FBRSL1: variants seen among roughly 807,000 people sequenced by gnomAD.
FBRSL1 encodes fibrosin-1-like protein.
Under a neutral mutation model 89.6 loss-of-function variants are expected in FBRSL1, and 51 were observed. The observed-to-expected ratio is 0.57, with a 90% confidence interval of 0.45 to 0.72. FBRSL1 has a LOEUF of 0.72. Among genes scored for constraint, FBRSL1 ranks in the 30% least tolerant of loss-of-function variants. The pLI is 0.00. For synonymous variants in FBRSL1, 779 were observed against 681.1 expected (o/e 1.14, Z -2.24); for missense variants, 1,618 against 1,451.8 (o/e 1.11, Z -1.86).
chr12:132,578,341 T>TCACACACA lies in FBRSL1; in HGVS notation c.1834+1411_1834+1412insACACACAC, dbSNP rs547551851. On this transcript the variant is annotated intron_variant, in intron 15 of 18. Coordinates refer to ENST00000680143, the MANE Select transcript of FBRSL1 (RefSeq NM_001367871.1). ...GCCTGGGCAACAGAGCAAGACCCTGTCTCACACACACACACACACACACAC... is the reference window on the plus strand; with the variant it reads ...GCCTGGGCAACAGAGCAAGACCCTGTCACACACACTCACACACACACACACACACACAC... Among the ~76,000 whole-genome samples, 4 of 28,662 alleles carry TCACACACA rather than the reference T, an allele frequency of 1.4e-4. No individual in the cohort carries two copies. The South Asian group carries it at 4.9e-3, about 35-fold the overall frequency. The allele number at this position is 28,662 out of a possible 152,430, so 18.8% of individuals were successfully genotyped here.
chr12:132,581,636 G>A, intron 16 of FBRSL1, 105 bp from the exon 17 acceptor site: 1 of 1,481,886 alleles, frequency 6.7e-7, no homozygotes, highest in Non-Finnish European at 9.2e-7. Flanking sequence ...GGTCATGCAG[G>A]CAGTACCCAC....
At chr12:132,531,272 G>A (rs1249628181) in intron 4 of FBRSL1, among the ~76,000 whole-genome samples, 1 of 152,176 alleles carries the variant, frequency 6.6e-6, no homozygotes, top group Non-Finnish European at 1.5e-5. Context: ...GGATTGTGCT[G>A]AAGCCTGGGA....
intron 2 of FBRSL1, among the ~76,000 whole-genome samples, chr12:132,514,079 G>A (rs3812827): frequency 2.6e-5 from 4 of 152,220 alleles, no homozygotes; most frequent in African/African-American, 9.6e-5. Flanking sequence ...TTGCTCATTC[G>A]GGATCCTTGT....
intron 4 of FBRSL1, among the ~76,000 whole-genome samples, chr12:132,540,895 A>G (rs1294188198): frequency 6.6e-6 from 1 of 152,216 alleles, no homozygotes; most frequent in Non-Finnish European, 1.5e-5. Context: ...ATACAGCTGA[A>G]GAAAGTTATT....
chr12:132,583,187 G>C lies in FBRSL1; in HGVS notation c.2418G>C (p.Lys806Asn), dbSNP rs1345065366. Residue 806 changes from lysine to asparagine, a missense_variant, in exon 19 of 19, where the codon AAG (lysine) becomes AAC (asparagine). Coordinates refer to ENST00000680143, the MANE Select transcript of FBRSL1 (RefSeq NM_001367871.1). ...CGCGCGCATCCCCGCCCCACAGCAA[G>C]GCGGCCCCTGGAGACGTGAAGGTCA... ...MPARASPPHS[K>N]AAPGDVKVKE... 5 of 1,450,698 alleles carry C rather than the reference G, an allele frequency of 3.4e-6. No homozygotes were observed. The highest frequency in any genetic ancestry group is 1.3e-5 in the South Asian group (1 of 77,580). The allele number at this position is 1,450,698 out of a possible 1,614,324, so 89.9% of individuals were successfully genotyped here.
chr12:132,531,398 T>C (rs761086501), intron 4 of FBRSL1, among the ~76,000 whole-genome samples: 2 of 152,044 alleles, frequency 1.3e-5, no homozygotes, highest in Admixed American at 6.6e-5. Context: ...TGTATGTGTG[T>C]GTGCGTGCAT....
At position 132,503,800 on chromosome 12, in the gene FBRSL1, G is replaced by A. The variant is rs536422115; in HGVS notation, c.292-4353G>A. 1.1e-4 allele frequency among the ~76,000 whole-genome samples: 17 copies of A among 152,348 alleles called. No homozygotes were observed. In the East Asian group the frequency reaches 3.1e-3, roughly 28 times the overall value. Reference sequence around the variant, plus strand: ...GACTGAACACAGTTGAGAGTCAGAGGCTCTGGGCTTTGGGCCTGAGCTCTT... The same window carrying A: ...GACTGAACACAGTTGAGAGTCAGAGACTCTGGGCTTTGGGCCTGAGCTCTT... On this transcript the variant is annotated intron_variant, in intron 1 of 18. Transcript: ENST00000680143.
rs201925472 is a variant in FBRSL1, at chr12:132,532,388, T to G, written c.615+4400T>G. Among the ~76,000 whole-genome samples the G allele has an allele frequency of 2.0e-5, 3 of 152,168 alleles. No individual in the cohort carries two copies. The East Asian group carries it at 5.8e-4, about 29-fold the overall frequency. ...CGGCCATGCCCACCCAGAATTCTCC[T>G]CCATGCGGCTGCCCAGCCCCTTGTG... is the stretch of plus-strand genomic sequence containing the variant. On this transcript the variant is annotated intron_variant, in intron 4 of 18. Coordinates refer to ENST00000680143, the MANE Select transcript of FBRSL1 (RefSeq NM_001367871.1).
chr12:132,511,742 C>T lies in FBRSL1; in HGVS notation c.489+3392C>T, dbSNP rs550259633. 336 of 985,470 alleles carry T rather than the reference C, an allele frequency of 3.4e-4. 3 individuals are homozygous for T. The South Asian group carries it at 0.011, about 33-fold the overall frequency. The allele number at this position is 985,470 out of a possible 1,614,324, so 61.0% of individuals were successfully genotyped here. A position where few individuals can be genotyped will look rare whatever the true frequency, so the allele number is the denominator to read the frequency against. The stretch of plus-strand genomic sequence containing the variant: ...GCAGCTGCTGACCTCCAGCACCCCG[C>T]ACTTGCTCATGAGGACCCCACCCCC... On this transcript the variant is annotated intron_variant, in intron 2 of 18. Coordinates refer to ENST00000680143, the MANE Select transcript of FBRSL1 (RefSeq NM_001367871.1).
Position 132,584,383 on chromosome 12 carries a change from T to TTGA in FBRSL1, c.*607_*609dup, listed in dbSNP as rs1190014618. 6.6e-5 allele frequency: 10 copies of TTGA among 152,348 alleles called. No homozygotes were observed. The East Asian group carries it at 1.7e-3, about 26-fold the overall frequency. The allele number at this position is 152,348 out of a possible 1,614,324, so 9.4% of individuals were successfully genotyped here. On this transcript the variant is annotated 3_prime_UTR_variant, in exon 19 of 19. Transcript: ENST00000680143. ...GCAAACGAAACGTGTAAATAGTCTG[T>TTGA]TGATATAAATATATGACGTTACTAA...
At chr12:132,561,385 C>T (rs1243041618) in intron 5 of FBRSL1, among the ~76,000 whole-genome samples, 1 of 152,158 alleles carries the variant, frequency 6.6e-6, no homozygotes, top group Non-Finnish European at 1.5e-5. Flanking sequence ...GTGTTCGAAC[C>T]TGGGACGTGG....
intron 5 of FBRSL1, among the ~76,000 whole-genome samples, chr12:132,556,111 G>A (rs1320779921): frequency 6.6e-6 from 1 of 152,178 alleles, no homozygotes; most frequent in Non-Finnish European, 1.5e-5. Flanking sequence ...GCATTTCCAG[G>A]CCGGCAGCCT....
rs1420194982 is a variant in FBRSL1, at chr12:132,574,316, C to T, written c.1600-3C>T. On this transcript the variant is annotated splice_region_variant and splice_polypyrimidine_tract_variant and intron_variant, in intron 12 of 18. Coordinates refer to ENST00000680143, the MANE Select transcript of FBRSL1 (RefSeq NM_001367871.1). ...ACCTCACACTCCTTTCCTGTCTCCACAGGTGTCTGACCCGTACCGGGCGGT... is the reference window on the plus strand; with the variant it reads ...ACCTCACACTCCTTTCCTGTCTCCATAGGTGTCTGACCCGTACCGGGCGGT... 3 of 1,542,404 alleles carry T rather than the reference C, an allele frequency of 1.9e-6. No individual in the cohort carries two copies. Among genetic ancestry groups the T allele is most frequent in the Admixed American group, 4.0e-5 (2 of 49,504 alleles).
At chr12:132,528,837 G>A (rs962296475) in intron 4 of FBRSL1, among the ~76,000 whole-genome samples, 10 of 152,136 alleles carry the variant, frequency 6.6e-5, no homozygotes, top group Admixed American at 5.9e-4. Context: ...GTTTCAGGGT[G>A]TGCCATGCCT....
rs1439553941 is a variant in FBRSL1 at position 132,581,507 on chromosome 12, C to T, written c.1903C>T (p.Pro635Ser). The T allele has an allele frequency of 1.3e-6, 2 of 1,551,034 alleles. No homozygotes were observed. The highest frequency in any genetic ancestry group is 1.7e-6 in the Non-Finnish European group (2 of 1,146,916). The change falls in exon 16 of 19, where the codon CCC becomes TCC. Residue 635 changes from proline (P) to serine (S), a missense_variant. Coordinates refer to ENST00000680143, the MANE Select transcript of FBRSL1 (RefSeq NM_001367871.1). The part of the protein sequence containing the change: ...AHPGSFLPTG[P>S]LTDPFSRPST... ...TCCTGGCAGCTTCCTGCCCACTGGC[C>T]CCCTGACAGGTGGGTGTCTCTGAAT... is the stretch of plus-strand genomic sequence containing the variant.
At chr12:132,501,257 C>T (rs995310005) in intron 1 of FBRSL1, among the ~76,000 whole-genome samples, 2 of 152,228 alleles carry the variant, frequency 1.3e-5, no homozygotes, top group African/African-American at 2.4e-5. Flanking sequence ...TCTGTGGGCA[C>T]AGCTGGACTA....
chr12:132,547,973 C>G lies in FBRSL1; in HGVS notation c.616-30C>G, dbSNP rs754312889. 8 of 1,549,382 alleles carry G rather than the reference C, an allele frequency of 5.2e-6. No homozygotes were observed. In the South Asian group the frequency reaches 9.5e-5, roughly 18 times the overall value. On this transcript the variant is annotated intron_variant, in intron 4 of 18. Transcript: ENST00000680143. Reference sequence around the variant, plus strand: ...GGGGTGACACTGGTTGGTGGGGCCCCGACTCACTTCTGTCTCTCTGTCCCT... The same window carrying G: ...GGGGTGACACTGGTTGGTGGGGCCCGGACTCACTTCTGTCTCTCTGTCCCT...
intron 2 of FBRSL1, among the ~76,000 whole-genome samples, chr12:132,524,056 C>T (rs1026398561): frequency 6.6e-6 from 1 of 152,230 alleles, no homozygotes; most frequent in African/African-American, 2.4e-5. Flanking sequence ...GCTGCACAGG[C>T]CGTGCCTCCA....
rs1292990390 is a variant in FBRSL1, at chr12:132,583,735, A to T, written c.2966A>T (p.Asp989Val). The T allele has an allele frequency of 8.2e-7, 1 of 1,213,356 alleles. No individual in the cohort carries two copies. The highest frequency in any genetic ancestry group is 3.3e-5 in the East Asian group (1 of 30,464). 75.2% of individuals were successfully genotyped at this position (1,213,356 alleles called of 1,614,324 possible). A position where few individuals can be genotyped will look rare whatever the true frequency, so the allele number is the denominator to read the frequency against. Reference sequence around the variant, plus strand: ...GGCCTCGGGCCGGGCGAGGCGCGCGACTACTCCCCGTCCCGAAATCCCCCG... The same window carrying T: ...GGCCTCGGGCCGGGCGAGGCGCGCGTCTACTCCCCGTCCCGAAATCCCCCG... ...LGGLGPGEAR[D>V]YSPSRNPPEV... Residue 989 changes from aspartate to valine, a missense_variant, in exon 19 of 19, where the codon GAC becomes GTC. By Grantham distance (152) the Asp-to-Val change is radical. Coordinates refer to ENST00000680143, the MANE Select transcript of FBRSL1 (RefSeq NM_001367871.1).
Sources: allele counts gnomAD v4.1 joint callset (sites outside exome capture counted in the v4.1 genomes callset), GRCh38; gene constraint gnomAD v4.1.1; transcripts MANE v1.5; gene names NCBI Gene and HGNC (gene_info 2026-07-23, HGNC 2026-07-21).